Variants in DMD observed in about 807,000 individuals in gnomAD.
DMD encodes mutant dystrophin.
Under a neutral mutation model 330.1 loss-of-function variants are expected in DMD, and 63 were observed. The ratio of observed to expected loss-of-function variants is 0.19; its 90% CI spans 0.16 to 0.24. The LOEUF is 0.24. DMD is among the 10% of genes least tolerant of loss of function. The pLI is 1.00. For missense variants in DMD, 3,344 were observed against 2,684.1 expected, an observed-to-expected ratio of 1.25 and a Z score of -5.43; for synonymous variants, 1,223 against 959.8, an observed-to-expected ratio of 1.27 and a Z score of -5.07.
chrX:32,638,833 TC>T (rs2059261368), intron 11 of DMD, among the ~76,000 whole-genome samples: 1 of 111,164 alleles, frequency 9.0e-6, no homozygotes, highest in African/African-American at 3.3e-5. Context: ...GTTCAGCACC[TC>T]CTTTTCTCTA....
chrX:32,658,395 G>A (rs1357958479), intron 9 of DMD, among the ~76,000 whole-genome samples: 1 of 110,912 alleles, frequency 9.0e-6, no homozygotes, highest in African/African-American at 3.3e-5. Context: ...CAATTTTGCA[G>A]ACCACTAAAG....
At chrX:31,418,440 C>A (rs769729799) in intron 60 of DMD, among the ~76,000 whole-genome samples, 3 of 111,622 alleles carry the variant, frequency 2.7e-5, no homozygotes, top group South Asian at 7.7e-4. Context: ...AATATTCAAG[C>A]CACAGCAGTA....
chrX:32,974,195 G>T (rs2092471512), intron 2 of DMD, among the ~76,000 whole-genome samples: 1 of 111,421 alleles, frequency 9.0e-6, no homozygotes, highest in Admixed American at 9.6e-5. Context: ...GACACTAGAG[G>T]CCACATATAG....
intron 2 of DMD, among the ~76,000 whole-genome samples, chrX:32,942,279 A>G (rs1164601614): frequency 8.9e-6 from 1 of 112,636 alleles, no homozygotes; most frequent in African/African-American, 3.2e-5. Flanking sequence ...GCAGTGGCTC[A>G]TGCCTGTAAT....
chrX:31,996,327 A>G (rs1367676990), intron 44 of DMD, among the ~76,000 whole-genome samples: 1 of 111,863 alleles, frequency 8.9e-6, no homozygotes, highest in Non-Finnish European at 1.9e-5. Flanking sequence ...GGAAAAGAAC[A>G]GTAGGTAATT....
chrX:32,934,819 A>G (rs1250411264), intron 2 of DMD, among the ~76,000 whole-genome samples: 1 of 112,115 alleles, frequency 8.9e-6, no homozygotes, highest in East Asian at 2.8e-4. Flanking sequence ...GAATCTGGGG[A>G]TTGTCATATC....
chrX:32,435,503 C>T (rs150284033), intron 29 of DMD, among the ~76,000 whole-genome samples: 1,095 of 108,998 alleles, frequency 0.01, 8 homozygotes, highest in South Asian at 0.077. Context: ...GATGAGGAAA[C>T]GTAAGTTTAA....
Position 32,335,991 on chromosome X carries a change from CGTGT to C in DMD, c.5922+6105_5922+6108del. Among the ~76,000 whole-genome samples the C allele has an allele frequency of 9.5e-5, 3 of 31,473 alleles. No individual in the cohort carries two copies. In the East Asian group the frequency reaches 4.4e-3, roughly 47 times the overall value. 27.3% of individuals were successfully genotyped at this position (31,473 alleles called of 115,157 possible). ...TATGTGTATAACATGTTATATATAACGTGTATATATAACGTTATATATAACGTGT... is the reference window on the plus strand; with the variant it reads ...TATGTGTATAACATGTTATATATAACATATATAACGTTATATATAACGTGT... On this transcript the variant is annotated intron_variant, in intron 41 of 78. Transcript: ENST00000357033.
intron 2 of DMD, among the ~76,000 whole-genome samples, chrX:32,948,156 C>T (rs1188203351): frequency 1.9e-5 from 2 of 106,777 alleles, no homozygotes; most frequent in Admixed American, 2.1e-4. Context: ...ACACCAGGGA[C>T]GGAGGGAGAG....
chrX:33,037,405 G>A (rs773360199), intron 1 of DMD, among the ~76,000 whole-genome samples: 77 of 109,950 alleles, frequency 7.0e-4, no homozygotes, highest in African/African-American at 2.3e-3. Context: ...GTACTTAATT[G>A]GTATTTATCT....
intron 1 of DMD, among the ~76,000 whole-genome samples, chrX:33,333,471 T>C (rs1229580741): frequency 9.0e-6 from 1 of 110,856 alleles, no homozygotes; most frequent in Non-Finnish European, 1.9e-5. Context: ...TCTGTTACCA[T>C]AGAGACAGGC....
At chrX:31,975,319 C>G (rs1051948358) in intron 44 of DMD, among the ~76,000 whole-genome samples, 2 of 111,703 alleles carry the variant, frequency 1.8e-5, no homozygotes, top group Non-Finnish European at 3.8e-5. Flanking sequence ...AAGTACAGAA[C>G]AGAACTTTGC....
At chrX:31,376,051 G>A (rs1372477329) in intron 60 of DMD, among the ~76,000 whole-genome samples, 3 of 111,482 alleles carry the variant, frequency 2.7e-5, no homozygotes, top group African/African-American at 6.5e-5. Flanking sequence ...TTACGTCTCC[G>A]TAATCTGATT....
At chrX:33,071,504 T>C (rs768290959) in intron 1 of DMD, among the ~76,000 whole-genome samples, 22 of 109,758 alleles carry the variant, frequency 2.0e-4, no homozygotes, top group African/African-American at 6.3e-4. Flanking sequence ...GGAAAGATCC[T>C]AGTACACTAT....
intron 30 of DMD, among the ~76,000 whole-genome samples, chrX:32,405,157 C>G (rs1005499971): frequency 9.0e-6 from 1 of 111,717 alleles, no homozygotes; most frequent in South Asian, 3.7e-4. Flanking sequence ...ATTAGCTACA[C>G]ATTAGAATGA....
intron 61 of DMD, among the ~76,000 whole-genome samples, chrX:31,328,581 G>C (rs952536581): frequency 9.0e-6 from 1 of 111,058 alleles, no homozygotes; most frequent in Non-Finnish European, 1.9e-5. Flanking sequence ...AAAATGTCCA[G>C]AGTACAGATT....
At chrX:31,776,173 A>G (rs183849434) in intron 50 of DMD, among the ~76,000 whole-genome samples, 53 of 111,538 alleles carry the variant, frequency 4.8e-4, no homozygotes, top group African/African-American at 1.7e-3. Flanking sequence ...TGTGAGGATG[A>G]AAAGAGAGCT....
intron 7 of DMD, among the ~76,000 whole-genome samples, chrX:32,753,965 A>T (rs1272668554): frequency 1.8e-5 from 2 of 110,944 alleles, no homozygotes; most frequent in Admixed American, 9.6e-5. Context: ...CCCGTGATTT[A>T]GCCTATCATG....
At chrX:31,282,854 G>A (rs2052725054) in intron 62 of DMD, among the ~76,000 whole-genome samples, 1 of 111,846 alleles carries the variant, frequency 8.9e-6, no homozygotes, top group African/African-American at 3.2e-5. Flanking sequence ...TTTGAACCAA[G>A]TGGAGTCTGA....
Sources: gnomAD v4.1 joint callset for allele counts (sites outside exome capture counted in the v4.1 genomes callset) on GRCh38, gnomAD v4.1.1 for gene constraint, MANE v1.5 for transcripts, NCBI Gene and HGNC (gene_info 2026-07-23, HGNC 2026-07-21) for gene names.